LMF1: variants seen among roughly 807,000 people sequenced by gnomAD.
LMF1 encodes lipase maturation factor 1.
Under a neutral mutation model 60.6 loss-of-function variants are expected in LMF1, and 68 were observed. That is an observed-to-expected ratio of 1.12 (90% CI 0.92 to 1.37). LMF1 has a LOEUF of 1.37. LMF1 is among the 40% of genes most tolerant of loss of function. LMF1 has a pLI of 0.00. For synonymous variants in LMF1, 418 were observed against 324.7 expected (o/e 1.29, Z -3.09); for missense variants, 948 against 767.2 (o/e 1.24, Z -2.78).
intron 4 of LMF1, among the ~76,000 whole-genome samples, chr16:893,516 C>A (rs921159849): frequency 1.3e-5 from 2 of 152,202 alleles, no homozygotes; most frequent in African/African-American, 4.8e-5. Context: ...GCCCCGCCCC[C>A]TGCGGCACAA....
intron 10 of LMF1, among the ~76,000 whole-genome samples, chr16:864,187 G>GTCTT (rs1183727908): frequency 6.6e-6 from 1 of 152,148 alleles, no homozygotes; most frequent in East Asian, 1.9e-4. Flanking sequence ...CTCATTGTCC[G>GTCTT]TCTTTGTCTC....
At position 853,795 on chromosome 16, in the gene LMF1, A is replaced by G. The variant is rs568247740; in HGVS notation, c.*737T>C. The G allele has an allele frequency of 2.9e-5, 13 of 454,118 alleles. No homozygotes were observed. The highest frequency in any genetic ancestry group is 2.0e-4 in the South Asian group (13 of 64,476). The allele number at this position is 454,118 out of a possible 1,614,324, so 28.1% of individuals were successfully genotyped here. A position where few individuals can be genotyped will look rare whatever the true frequency, so the allele number is the denominator to read the frequency against. ...GTCCTCCGATTGAGGGGCCTTGTCA[A>G]GGCCTCAGAGGCAGCGAGGTCACAG... On this transcript the variant is annotated 3_prime_UTR_variant, in exon 11 of 11. Transcript: ENST00000262301.
intron 5 of LMF1, among the ~76,000 whole-genome samples, chr16:886,458 G>C (rs1333289453): frequency 6.6e-6 from 1 of 151,626 alleles, no homozygotes; most frequent in African/African-American, 2.4e-5. Context: ...CAGGGCACGG[G>C]CCTGGGGCTT....
chr16:911,259 G>A, intron 3 of LMF1, 180 bp from the exon 4 acceptor site: 1 of 780,062 alleles, frequency 1.3e-6, no homozygotes, highest in African/African-American at 1.7e-5. Flanking sequence ...GTCTGCAGGA[G>A]TGGGAGCTCT....
chr16:953,290 CCCCAAACCA>C (rs2072545198), intron 2 of LMF1, among the ~76,000 whole-genome samples: 1 of 55,502 alleles, frequency 1.8e-5, no homozygotes, highest in African/African-American at 9.0e-5. Context: ...CACACAGACA[CCCCAAACCA>C]GCCTCCTACA....
Position 970,945 on chromosome 16 carries a change from C to G in LMF1, c.36G>C (p.Ala12=), listed in dbSNP as rs2073037714. 1.9e-6 allele frequency: 3 copies of G among 1,542,164 alleles called. No individual in the cohort carries two copies. Among genetic ancestry groups the G allele is most frequent in the Non-Finnish European group, 2.6e-6 (3 of 1,139,512 alleles). ...CAGTCTTCCGCCTCCTCAGCGACTC[C>G]GCGGGCGCCGCCATTGTTGGGCTGT... ...RPDSPTMAAP[A]ESLRRRKTGY... Residue 12 remains alanine, a synonymous_variant, in exon 1 of 11, where the codon GCG becomes GCC. Transcript: ENST00000262301.
At chr16:865,352 C>CTTTTCTT (rs1011051440) in intron 10 of LMF1, among the ~76,000 whole-genome samples, 66 of 152,172 alleles carry the variant, frequency 4.3e-4, no homozygotes, top group Non-Finnish European at 1.3e-4. Flanking sequence ...TTACCCATGT[C>CTTTTCTT]TTTTCTTTTT....
In LMF1 at chr16:853,837, G is replaced by C. The variant is rs1430371461; in HGVS notation, c.*695C>G. On this transcript the variant is annotated 3_prime_UTR_variant, in exon 11 of 11. Coordinates refer to ENST00000262301, the MANE Select transcript of LMF1 (RefSeq NM_022773.4). ...AGGTCACAGCCTGGTGGAGGGTCTG[G>C]GTGTGCGCTGTGTCCATCTGCACCT... is the stretch of plus-strand genomic sequence containing the variant. 2.2e-6 allele frequency: 1 copy of C among 454,132 alleles called. No homozygotes were observed. Among genetic ancestry groups the C allele is most frequent in the Non-Finnish European group, 4.4e-6 (1 of 226,782 alleles). 28.1% of individuals were successfully genotyped at this position (454,132 alleles called of 1,614,324 possible).
chr16:872,952 G>A (rs1472264344), intron 6 of LMF1: 1 of 152,258 alleles, frequency 6.6e-6, no homozygotes, highest in Non-Finnish European at 1.5e-5. Flanking sequence ...CTGCCTGAGT[G>A]TATTTCCAAA....
chr16:918,846 G>A (rs963921520), intron 3 of LMF1, among the ~76,000 whole-genome samples: 2 of 148,634 alleles, frequency 1.3e-5, no homozygotes, highest in African/African-American at 2.4e-5. Context: ...ATCCCGGGGC[G>A]CACCCCGACT....
In LMF1 at chr16:870,862, C is replaced by T. The variant is rs936184702; in HGVS notation, c.1099G>A (p.Ala367Thr). ...AGCAGGACGCCCAGCGAGACGTTGGCTGCACGCCGCACCACGGAGCCTGGC... is the reference window on the plus strand; with the variant it reads ...AGCAGGACGCCCAGCGAGACGTTGGTTGCACGCCGCACCACGGAGCCTGGC... The part of the protein sequence containing the change: ...PRFGSVVRRA[A>T]NVSLGVLLAW... Residue 367 changes from alanine to threonine, a missense_variant, in exon 8 of 11, where the codon GCC becomes ACC. Coordinates refer to ENST00000262301, the MANE Select transcript of LMF1 (RefSeq NM_022773.4). 4.3e-6 allele frequency: 7 copies of T among 1,609,476 alleles called. No homozygotes were observed. The highest frequency in any genetic ancestry group is 5.9e-6 in the Non-Finnish European group (7 of 1,179,610).
At position 944,803 on chromosome 16, in the gene LMF1, C is replaced by T. The variant is rs76384413; in HGVS notation, c.503+9554G>A. On this transcript the variant is annotated intron_variant, in intron 2 of 10. Coordinates refer to ENST00000262301, the MANE Select transcript of LMF1 (RefSeq NM_022773.4). ...CTGAAGTCTCGCCCTGTCTACGGCC[C>T]CAGTGCCCTAAACACCCCATCTCGT... Among the ~76,000 whole-genome samples the T allele has an allele frequency of 2.0e-4, 30 of 152,346 alleles. 2 individuals are homozygous for T. In the East Asian group the frequency reaches 5.8e-3, roughly 29 times the overall value.
chr16:955,794 A>G lies in LMF1; in HGVS notation c.194-1128T>C, dbSNP rs116771929. Among the ~76,000 whole-genome samples the G allele has an allele frequency of 4.2e-3, 637 of 152,354 alleles. 6 individuals are homozygous for G. The highest frequency in any genetic ancestry group is 0.015 in the African/African-American group (607 of 41,574). ...AACCGGACTGCACTCAGCATTCACC[A>G]TTATGAAACACACCCTGAGGACCCT... On this transcript the variant is annotated intron_variant, in intron 1 of 10. Coordinates refer to ENST00000262301, the MANE Select transcript of LMF1 (RefSeq NM_022773.4).
At chr16:931,120 CAA>C (rs797002173) in intron 3 of LMF1, among the ~76,000 whole-genome samples, 1 of 141,328 alleles carries the variant, frequency 7.1e-6, no homozygotes. Context: ...GACTCCATCT[CAA>C]AAAAAAAAAA....
At chr16:859,227 G>A (rs867389847) in intron 10 of LMF1, among the ~76,000 whole-genome samples, 29 of 123,312 alleles carry the variant, frequency 2.4e-4, no homozygotes, top group Non-Finnish European at 3.1e-4. Context: ...GGTGTGCAGT[G>A]GTGTCACGGG....
At chr16:887,671 G>A (rs577248829) in intron 5 of LMF1, among the ~76,000 whole-genome samples, 13 of 152,260 alleles carry the variant, frequency 8.5e-5, no homozygotes, top group African/African-American at 2.9e-4. Context: ...CGCAGAGTGC[G>A]CGCTCCTAGC....
At chr16:888,865 AGT>A (rs981969286) in intron 5 of LMF1, among the ~76,000 whole-genome samples, 3 of 152,188 alleles carry the variant, frequency 2.0e-5, no homozygotes, top group Non-Finnish European at 4.4e-5. Flanking sequence ...AGGGCCAGCC[AGT>A]GTCAGGCAGC....
intron 2 of LMF1, among the ~76,000 whole-genome samples, chr16:942,608 T>A (rs1335844065): frequency 1.4e-5 from 2 of 139,322 alleles, no homozygotes; most frequent in Non-Finnish European, 3.2e-5. Context: ...CGTGCCCCAT[T>A]CTCTGCGTCC....
intron 3 of LMF1, among the ~76,000 whole-genome samples, chr16:930,406 G>C (rs920344997): frequency 6.6e-6 from 1 of 152,214 alleles, no homozygotes; most frequent in African/African-American, 2.4e-5. Flanking sequence ...TCCACAAAAA[G>C]TTAAAAATTA....
Sources: gnomAD v4.1 joint callset for allele counts (sites outside exome capture counted in the v4.1 genomes callset) on GRCh38, gnomAD v4.1.1 for gene constraint, MANE v1.5 for transcripts, NCBI Gene and HGNC (gene_info 2026-07-23, HGNC 2026-07-21) for gene names.